ISOC1: variants seen among roughly 807,000 people sequenced by gnomAD.
The protein encoded by ISOC1 is isochorismatase domain-containing protein 1.
Under a neutral mutation model 30.0 loss-of-function variants are expected in ISOC1, and 33 were observed. The observed-to-expected ratio is 1.10, with a 90% CI of 0.83 to 1.47. The LOEUF (loss-of-function observed/expected upper bound fraction) is 1.47. ISOC1 is among the 40% of genes most tolerant of loss of function. The pLI is 0.00. For synonymous variants in ISOC1, 178 were observed against 159.8 expected (o/e 1.11, Z -0.86); for missense variants, 372 against 388.0 (o/e 0.96, Z 0.35).
intron 1 of ISOC1, among the ~76,000 whole-genome samples, chr5:129,103,493 G>GT (rs1389038941): frequency 1.3e-5 from 2 of 152,090 alleles, no homozygotes; most frequent in African/African-American, 4.8e-5. Context: ...CATGAATTTG[G>GT]TATTGGATTG....
At chr5:129,102,553 A>G (rs566063908) in intron 1 of ISOC1, among the ~76,000 whole-genome samples, 2 of 152,312 alleles carry the variant, frequency 1.3e-5, no homozygotes, top group East Asian at 3.9e-4. Context: ...TTATTCTTTT[A>G]AACACCTCAA....
intron 4 of ISOC1, 62 bp from the exon 5 acceptor site, chr5:129,112,793 C>T: frequency 6.4e-7 from 1 of 1,551,734 alleles, no homozygotes; most frequent in African/African-American, 1.4e-5. Flanking sequence ...TAGTGTTACT[C>T]TTCTGAAATA....
In ISOC1 at chr5:129,107,339, C is replaced by G. The variant is rs116817504; in HGVS notation, c.750+277C>G. 0.029 allele frequency among the ~76,000 whole-genome samples: 4,479 copies of G among 152,182 alleles called. 84 individuals carry two copies. Among genetic ancestry groups the G allele is most frequent in the Middle Eastern group, 0.034 (10 of 294 alleles). Reference sequence around the variant, plus strand: ...CGTTTGCCCTAGTTTTATACGTGAACTAGGAGATATTCCAAGAAGCCTAAC... The same window carrying G: ...CGTTTGCCCTAGTTTTATACGTGAAGTAGGAGATATTCCAAGAAGCCTAAC... On this transcript the variant is annotated intron_variant, in intron 4 of 4. Coordinates refer to ENST00000173527, the MANE Select transcript of ISOC1 (RefSeq NM_016048.2).
At chr5:129,107,993 C>A (rs986628587) in intron 4 of ISOC1, among the ~76,000 whole-genome samples, 2 of 151,890 alleles carry the variant, frequency 1.3e-5, no homozygotes, top group Non-Finnish European at 2.9e-5. Flanking sequence ...GTCGTTTGAT[C>A]TCTCTCTCTC....
intron 1 of ISOC1, among the ~76,000 whole-genome samples, chr5:129,095,547 T>A (rs1753486082): frequency 6.6e-6 from 1 of 152,194 alleles, no homozygotes; most frequent in Non-Finnish European, 1.5e-5. Context: ...ACGCAAACTT[T>A]GGGAGTCAAA....
intron 1 of ISOC1, among the ~76,000 whole-genome samples, chr5:129,104,512 A>G (rs1753612145): frequency 6.6e-6 from 1 of 152,136 alleles, no homozygotes; most frequent in East Asian, 1.9e-4. Flanking sequence ...CAACACCCCA[A>G]TTATATAACC....
chr5:129,095,180 G>A (rs548120381), intron 1 of ISOC1, 105 bp downstream of exon 1: 4 of 1,177,116 alleles, frequency 3.4e-6, no homozygotes, highest in South Asian at 1.7e-5. Context: ...AGCCGCCCGG[G>A]ACCCGGGCCC....
At chr5:129,109,739 C>G (rs1253895162) in intron 4 of ISOC1, among the ~76,000 whole-genome samples, 1 of 152,070 alleles carries the variant, frequency 6.6e-6, no homozygotes, top group Non-Finnish European at 1.5e-5. Context: ...ATACCTTGTT[C>G]CTAAATTTGA....
rs773548876 is a variant in ISOC1 at position 129,106,989 on chromosome 5, G to A, written c.677G>A (p.Arg226Gln). The change falls in exon 4 of 5, where the codon CGA (arginine) becomes CAA (glutamine). Residue 226 changes from arginine to glutamine, a missense_variant. Coordinates refer to ENST00000173527, the MANE Select transcript of ISOC1 (RefSeq NM_016048.2). Reference sequence around the variant, plus strand: ...CAAACTGCCCTGGAGCTAGTTGGCCGAGGAGTCGAGGTTCACATTGTTGCT... The same window carrying A: ...CAAACTGCCCTGGAGCTAGTTGGCCAAGGAGTCGAGGTTCACATTGTTGCT... ...IQQTALELVG[R>Q]GVEVHIVADA... The A allele has an allele frequency of 1.2e-5, 20 of 1,613,684 alleles. No individual in the cohort carries two copies. Among genetic ancestry groups the A allele is most frequent in the Admixed American group, 1.0e-4 (6 of 59,978 alleles).
At chr5:129,107,158 A>G (rs1405846658) in intron 4 of ISOC1, 96 bp downstream of exon 4, 29 of 996,200 alleles carry the variant, frequency 2.9e-5, no homozygotes, top group Non-Finnish European at 4.3e-5. Flanking sequence ...TTTACCTCCT[A>G]AATTTGAGTT....
At chr5:129,102,408 A>G (rs1753583819) in intron 1 of ISOC1, among the ~76,000 whole-genome samples, 2 of 152,122 alleles carry the variant, frequency 1.3e-5, no homozygotes, top group East Asian at 1.9e-4. Flanking sequence ...GACCTCCTCA[A>G]TGTGTGTCTA....
At chr5:129,107,837 A>T (rs1202080115) in intron 4 of ISOC1, among the ~76,000 whole-genome samples, 1 of 152,122 alleles carries the variant, frequency 6.6e-6, no homozygotes, top group East Asian at 1.9e-4. Flanking sequence ...TAGTCTTGGC[A>T]TTAGAATGTC....
chr5:129,107,510 G>A (rs1246848106), intron 4 of ISOC1, among the ~76,000 whole-genome samples: 3 of 151,876 alleles, frequency 2.0e-5, no homozygotes, highest in Non-Finnish European at 4.4e-5. Flanking sequence ...GAAATAAAAA[G>A]CAATAAAAAA....
intron 3 of ISOC1, among the ~76,000 whole-genome samples, chr5:129,106,309 A>G (rs1402952317): frequency 2.0e-5 from 3 of 152,222 alleles, no homozygotes; most frequent in African/African-American, 7.2e-5. Context: ...ATGTACTTTC[A>G]TTGGTTGTAA....
At chr5:129,106,769 G>C (rs1011142283) in intron 3 of ISOC1, among the ~76,000 whole-genome samples, 177 bp from the exon 4 acceptor site, 1 of 152,152 alleles carries the variant, frequency 6.6e-6, no homozygotes, top group East Asian at 1.9e-4. Context: ...ATAAACCAAA[G>C]CCAGAGATAC....
intron 1 of ISOC1, among the ~76,000 whole-genome samples, chr5:129,098,305 G>A (rs564608658): frequency 1.3e-5 from 2 of 152,242 alleles, no homozygotes; most frequent in South Asian, 4.1e-4. Flanking sequence ...TTCTGTCAAA[G>A]TAACAATGTC....
intron 1 of ISOC1, among the ~76,000 whole-genome samples, chr5:129,096,308 GTT>G (rs1753500692): frequency 6.6e-6 from 1 of 152,130 alleles, no homozygotes; most frequent in Non-Finnish European, 1.5e-5. Context: ...TATTATCTGT[GTT>G]TTTTGTACCC....
At chr5:129,107,622 G>A (rs1753655070) in intron 4 of ISOC1, among the ~76,000 whole-genome samples, 1 of 152,150 alleles carries the variant, frequency 6.6e-6, no homozygotes, top group Non-Finnish European at 1.5e-5. Flanking sequence ...ATATAGAGAT[G>A]ATTTAATGTA....
chr5:129,108,959 A>G (rs1561423638), intron 4 of ISOC1, among the ~76,000 whole-genome samples: 1 of 152,206 alleles, frequency 6.6e-6, no homozygotes, highest in Admixed American at 6.5e-5. Context: ...CCTTTATTGT[A>G]ATGCTGAGGT....
Sources: gnomAD v4.1 joint callset for allele counts (sites outside exome capture counted in the v4.1 genomes callset) on GRCh38, gnomAD v4.1.1 for gene constraint, MANE v1.5 for transcripts, NCBI Gene and HGNC (gene_info 2026-07-23, HGNC 2026-07-21) for gene names.